Variants in PCSK5 observed in about 807,000 individuals in gnomAD.
PCSK5 encodes prohormone convertase 5.
In PCSK5, 129 loss-of-function variants were observed where a neutral mutation model predicts 233.2. That is an observed-to-expected ratio of 0.55 (90% confidence interval 0.48 to 0.64). PCSK5 has a LOEUF of 0.64. PCSK5 is among the 30% of genes least tolerant of loss of function. The probability of loss-of-function intolerance (pLI) is 0.00; values close to 1 mark genes in which losing one functional copy is unlikely to be tolerated. For missense variants in PCSK5, 2,076 were observed against 2,430.1 expected (o/e 0.85, Z 3.06); for synonymous variants, 825 against 879.2 (o/e 0.94, Z 1.09).
intron 30 of PCSK5, among the ~76,000 whole-genome samples, chr9:76,311,536 T>C (rs1453111057): frequency 2.0e-5 from 3 of 152,128 alleles, no homozygotes; most frequent in Non-Finnish European, 4.4e-5. Context: ...CCTGGTTTCC[T>C]TGGTCCCCTG....
In PCSK5 at chr9:75,934,006, C is replaced by T. The variant is rs540759054; in HGVS notation, c.297+1523C>T. Among the ~76,000 whole-genome samples, 4 of 152,288 alleles carry T rather than the reference C, an allele frequency of 2.6e-5. No homozygotes were observed. The East Asian group carries it at 7.7e-4, about 29-fold the overall frequency. On this transcript the variant is annotated intron_variant, in intron 2 of 37. Transcript: ENST00000674117. The stretch of plus-strand genomic sequence containing the variant: ...CATTATTTTCATGATGAAGGATTTA[C>T]TGAACATGGAGCTATTTCGATCCTT...
At chr9:76,281,956 T>G (rs1827879540) in intron 24 of PCSK5, among the ~76,000 whole-genome samples, 1 of 152,028 alleles carries the variant, frequency 6.6e-6, no homozygotes, top group African/African-American at 2.4e-5. Flanking sequence ...GCCTAAGTCT[T>G]ACTGAGAAAG....
chr9:76,075,346 G>A (rs1022899266), intron 7 of PCSK5, among the ~76,000 whole-genome samples: 2 of 152,038 alleles, frequency 1.3e-5, no homozygotes, highest in African/African-American at 2.4e-5. Context: ...GCCTTTAAAA[G>A]CGTATCTTCA....
chr9:75,971,106 G>A (rs1290647289), intron 2 of PCSK5, among the ~76,000 whole-genome samples: 1 of 149,464 alleles, frequency 6.7e-6, no homozygotes, highest in African/African-American at 2.5e-5. Flanking sequence ...CCCACGACAG[G>A]CCCCAGTGTG....
At chr9:76,013,216 T>G (rs1827806454) in intron 3 of PCSK5, among the ~76,000 whole-genome samples, 1 of 152,200 alleles carries the variant, frequency 6.6e-6, no homozygotes, top group African/African-American at 2.4e-5. Context: ...CAGGTTAAAC[T>G]TGTATTTTGC....
At chr9:76,126,169 GCGTGTGTGTGTA>G (rs1005502861) in intron 9 of PCSK5, among the ~76,000 whole-genome samples, 3 of 31,492 alleles carry the variant, frequency 9.5e-5, no homozygotes, top group African/African-American at 4.0e-4. Context: ...ATTTTTTCCT[GCGTGTGTGTGTA>G]TGTGTGTGTG....
At chr9:75,937,842 C>A (rs571115183) in intron 2 of PCSK5, among the ~76,000 whole-genome samples, 2 of 152,290 alleles carry the variant, frequency 1.3e-5, no homozygotes, top group East Asian at 3.9e-4. Context: ...TGAACCAACC[C>A]CTGCTAGCTT....
At chr9:76,133,455 A>AT (rs1438472486) in intron 9 of PCSK5, among the ~76,000 whole-genome samples, 1 of 152,064 alleles carries the variant, frequency 6.6e-6, no homozygotes, top group African/African-American at 2.4e-5. Context: ...GCTAGTAGCC[A>AT]TAAGAACTAG....
rs1347149317 is a variant in PCSK5 at position 76,323,115 on chromosome 9, A to G, written c.4166A>G (p.Tyr1389Cys). The G allele has an allele frequency of 3.1e-6, 5 of 1,611,836 alleles. No homozygotes were observed. The highest frequency in any genetic ancestry group is 4.2e-6 in the Non-Finnish European group (5 of 1,179,546). The change falls in exon 32 of 38, where the codon TAT becomes TGT. Residue 1389 changes from tyrosine (Y) to cysteine (C), a missense_variant. This residue lies in a region of PCSK5 where 1,510 missense variants were observed against 1,538.1 expected (regional missense o/e 0.98). Transcript: ENST00000674117. ...CACCAGTCCTGTCCCCGTGGCTTCTATGCAGACTCGCGCCACTGTGTCCCC... is the reference window on the plus strand; with the variant it reads ...CACCAGTCCTGTCCCCGTGGCTTCTGTGCAGACTCGCGCCACTGTGTCCCC... Reference protein sequence around the residue: ...MCHQSCPRGFYADSRHCVPCH... With the variant: ...MCHQSCPRGFCADSRHCVPCH...
intron 36 of PCSK5, among the ~76,000 whole-genome samples, chr9:76,351,526 AAGAAAGG>A: frequency 7.5e-6 from 1 of 133,784 alleles, no homozygotes; most frequent in African/African-American, 2.8e-5. Flanking sequence ...GAAAGAAAGA[AAGAAAGG>A]AAGGAAAGAA....
At chr9:76,248,823 A>G (rs1161920324) in intron 24 of PCSK5, among the ~76,000 whole-genome samples, 1 of 152,144 alleles carries the variant, frequency 6.6e-6, no homozygotes, top group Non-Finnish European at 1.5e-5. Context: ...TCCCCCTGTC[A>G]TCCAGGTTTG....
chr9:75,957,666 G>A (rs891537934), intron 2 of PCSK5, among the ~76,000 whole-genome samples: 3 of 152,098 alleles, frequency 2.0e-5, no homozygotes, highest in African/African-American at 7.2e-5. Context: ...GTTAGTATCT[G>A]CCCCAAAAGT....
intron 15 of PCSK5, among the ~76,000 whole-genome samples, chr9:76,180,069 A>ATG (rs1463018785): frequency 9.5e-5 from 9 of 94,662 alleles, no homozygotes; most frequent in African/African-American, 1.5e-4. Context: ...TGATGTTTAT[A>ATG]TATATATGTG....
chr9:76,289,469 C>CCACACACACA (rs201456283), intron 24 of PCSK5, among the ~76,000 whole-genome samples: 7 of 129,862 alleles, frequency 5.4e-5, no homozygotes, highest in East Asian at 2.2e-4. Flanking sequence ...ATTCCCCTCA[C>CCACACACACA]CACACACACA....
At position 76,362,103 on chromosome 9, in the gene PCSK5, CTTCT is replaced by C. The variant is rs991662893; in HGVS notation, c.*3184_*3187del. 12 of 152,308 alleles carry C rather than the reference CTTCT, an allele frequency of 7.9e-5. No individual in the cohort carries two copies. The highest frequency in any genetic ancestry group is 2.4e-4 in the African/African-American group (10 of 41,566). 9.4% of individuals were successfully genotyped at this position (152,308 alleles called of 1,614,324 possible). A position where few individuals can be genotyped will look rare whatever the true frequency, so the allele number is the denominator to read the frequency against. Reference sequence around the variant, plus strand: ...TGTGTATTGAGGTTTGACATCTTTCCTTCTTTGTTTTTAGTCATGCAACGTCATT... The same window carrying C: ...TGTGTATTGAGGTTTGACATCTTTCCTTGTTTTTAGTCATGCAACGTCATT... On this transcript the variant is annotated 3_prime_UTR_variant, in exon 38 of 38. Coordinates refer to ENST00000674117, the MANE Select transcript of PCSK5 (RefSeq NM_001372043.1).
At chr9:76,075,971 C>G (rs1830631338) in intron 7 of PCSK5, among the ~76,000 whole-genome samples, 1 of 152,108 alleles carries the variant, frequency 6.6e-6, no homozygotes, top group Non-Finnish European at 1.5e-5. Flanking sequence ...TAGAAATAAT[C>G]AAGACTATTT....
At chr9:76,132,172 G>A (rs978922613) in intron 9 of PCSK5, among the ~76,000 whole-genome samples, 1 of 152,048 alleles carries the variant, frequency 6.6e-6, no homozygotes, top group Non-Finnish European at 1.5e-5. Context: ...TTCCGTGACA[G>A]TAGTGCATTG....
At chr9:76,337,829 C>T (rs80316333) in intron 34 of PCSK5, among the ~76,000 whole-genome samples, 5,792 of 134,562 alleles carry the variant, frequency 0.043, 135 homozygotes, top group Middle Eastern at 0.06. Flanking sequence ...GTGAGACACC[C>T]ATCTCTGTTT....
At chr9:76,162,593 G>A (rs575104058) in intron 12 of PCSK5, among the ~76,000 whole-genome samples, 49 of 152,240 alleles carry the variant, frequency 3.2e-4, no homozygotes, top group African/African-American at 1.1e-3. Flanking sequence ...AGAGATGATT[G>A]GTAAGAGCAA....
Sources: allele counts gnomAD v4.1 joint callset (sites outside exome capture counted in the v4.1 genomes callset), GRCh38; gene constraint gnomAD v4.1.1; regional missense constraint gnomAD v4.1.1; transcripts MANE v1.5; gene names NCBI Gene and HGNC (gene_info 2026-07-23, HGNC 2026-07-21).